The following TMC2 variants were observed in gnomAD, a reference collection of about 807,000 sequenced individuals.
The protein encoded by TMC2 is transmembrane channel-like protein 2.
TMC2 carries 102 observed loss-of-function variants against 105.9 expected under a neutral mutation model. The observed-to-expected ratio is 0.96, with a 90% CI of 0.82 to 1.14. TMC2 has a LOEUF of 1.14. Among genes scored for constraint, TMC2 ranks in the 50% most tolerant of loss-of-function variants. The pLI is 0.00. For missense variants in TMC2, 1,093 were observed against 1,134.3 expected (o/e 0.96, Z 0.52); for synonymous variants, 402 against 422.8 (o/e 0.95, Z 0.60).
Position 2,616,337 on chromosome 20 carries a change from T to C in TMC2, c.1940+133T>C. On this transcript the variant is annotated intron_variant, in intron 15 of 19. Coordinates refer to ENST00000358864, the MANE Select transcript of TMC2 (RefSeq NM_080751.3). This position sits in a 1 kb window ranked among gnomAD's most constrained non-coding sequence, Gnocchi z 4.8. Reference sequence around the variant, plus strand: ...CCTCTCTGAACTCCCCTCTTTCACATGAAAAATCAAGAGCGGGACTAGATG... The same window carrying C: ...CCTCTCTGAACTCCCCTCTTTCACACGAAAAATCAAGAGCGGGACTAGATG... The C allele has an allele frequency of 1.4e-6, 1 of 728,790 alleles. No homozygotes were observed. The allele number at this position is 728,790 out of a possible 1,614,324, so 45.1% of individuals were successfully genotyped here. A position where few individuals can be genotyped will look rare whatever the true frequency, so the allele number is the denominator to read the frequency against.
In TMC2 at chr20:2,545,053, T is replaced by A. The variant is rs66890589; in HGVS notation, c.82+7737T>A. ...CTCTACCAAAAAAAAAAAAAAAAAA[T>A]TTAATTAGACATGCATGGTGGCACA... On this transcript the variant is annotated intron_variant, in intron 2 of 19. Coordinates refer to ENST00000358864, the MANE Select transcript of TMC2 (RefSeq NM_080751.3). Among the ~76,000 whole-genome samples, 181 of 57,382 alleles carry A rather than the reference T, an allele frequency of 3.2e-3. 6 individuals are homozygous for A. The highest frequency in any genetic ancestry group is 7.6e-3 in the Middle Eastern group (1 of 132). The allele number at this position is 57,382 out of a possible 152,430, so 37.6% of individuals were successfully genotyped here.
chr20:2,567,076 C>T (rs6114957), intron 4 of TMC2, among the ~76,000 whole-genome samples: 19,268 of 152,158 alleles, frequency 0.13, 1,502 homozygotes, highest in African/African-American at 0.21. Context: ...CCAGGGTGTG[C>T]CAGAGGAGGC....
At chr20:2,541,749 T>G (rs538068514) in intron 2 of TMC2, among the ~76,000 whole-genome samples, 1 of 152,348 alleles carries the variant, frequency 6.6e-6, no homozygotes, top group East Asian at 1.9e-4. Context: ...GCTTTACAAT[T>G]TATATTGCGA....
chr20:2,569,907 G>A (rs2086091043), intron 4 of TMC2, among the ~76,000 whole-genome samples: 1 of 152,116 alleles, frequency 6.6e-6, no homozygotes, highest in South Asian at 2.1e-4. Context: ...GAATATTCCT[G>A]CTCCACGTTT....
At chr20:2,611,556 C>T (rs965630552) in intron 12 of TMC2, among the ~76,000 whole-genome samples, 6 of 152,280 alleles carry the variant, frequency 3.9e-5, no homozygotes, top group Middle Eastern at 6.8e-3. Context: ...CACTGCCTCC[C>T]GGAAGTCTTC....
chr20:2,618,932 T>C (rs576364339), intron 16 of TMC2, among the ~76,000 whole-genome samples: 2 of 152,096 alleles, frequency 1.3e-5, no homozygotes, highest in Non-Finnish European at 2.9e-5. Flanking sequence ...GGATCACTCA[T>C]CCAGGGCTGG....
intron 11 of TMC2, 139 bp from the exon 12 acceptor site, chr20:2,610,280 C>A (rs1371813417): frequency 1.4e-6 from 1 of 696,460 alleles, no homozygotes; most frequent in African/African-American, 1.8e-5. Context: ...ACACAGCAAG[C>A]TGTGTAGACC....
At chr20:2,585,657 T>C (rs1660056206) in intron 7 of TMC2, among the ~76,000 whole-genome samples, 2 of 152,210 alleles carry the variant, frequency 1.3e-5, no homozygotes, top group Non-Finnish European at 2.9e-5. Context: ...ACGTGGCTTC[T>C]GGCAGGCCTC....
chr20:2,641,185 A>G lies in TMC2; in HGVS notation c.2555A>G (p.Gln852Arg). The change falls in exon 20 of 20, where the codon CAG becomes CGG. Residue 852 changes from glutamine (Q) to arginine (R), a missense_variant. Gln to Arg is a conservative substitution (Grantham distance 43). Transcript: ENST00000358864. ...AGCCAGGCCATGGACAAGAAGGCGC[A>G]GGGCCCTGGGACCTCCAATTCTGCC... ...SQSQAMDKKA[Q>R]GPGTSNSASR... 6.2e-7 allele frequency: 1 copy of G among 1,614,056 alleles called. No homozygotes were observed. Among genetic ancestry groups the G allele is most frequent in the Non-Finnish European group, 8.5e-7 (1 of 1,180,012 alleles).
rs755799848 is a variant in TMC2, at chr20:2,624,326, A to C, written c.2236A>C (p.Thr746Pro). Residue 746 changes from threonine (T) to proline (P), a missense_variant, in exon 17 of 20, where the codon ACC becomes CCC. Physicochemically the swap from Thr to Pro is conservative, Grantham distance 38 (BLOSUM62 -1). Transcript: ENST00000358864. Reference sequence around the variant, plus strand: ...AGAGACCATTGAAAACGATTTCCCAACCTTCCTGGGCAAGATCTTTGCTTT... The same window carrying C: ...AGAGACCATTGAAAACGATTTCCCACCCTTCCTGGGCAAGATCTTTGCTTT... The part of the protein sequence containing the change: ...LQETIENDFP[T>P]FLGKIFAFLA... 1.9e-6 allele frequency: 3 copies of C among 1,614,136 alleles called. No individual in the cohort carries two copies. In the South Asian group the frequency reaches 3.3e-5, roughly 18 times the overall value.
intron 1 of TMC2, 113 bp from the exon 2 acceptor site, chr20:2,537,156 T>C: frequency 1.2e-6 from 1 of 862,188 alleles, no homozygotes; most frequent in Non-Finnish European, 1.9e-6. Flanking sequence ...TGGAGCTGGG[T>C]CCCAGTTTGA....
At chr20:2,611,928 G>GGATA (rs2086443353) in intron 12 of TMC2, among the ~76,000 whole-genome samples, 1 of 150,798 alleles carries the variant, frequency 6.6e-6, no homozygotes, top group Non-Finnish European at 1.5e-5. Flanking sequence ...ATGGATGGAT[G>GGATA]AATAGACAAG....
intron 7 of TMC2, among the ~76,000 whole-genome samples, chr20:2,584,168 G>A (rs1319635245): frequency 2.0e-5 from 3 of 152,110 alleles, no homozygotes; most frequent in African/African-American, 7.2e-5. Flanking sequence ...AATGAGGCCG[G>A]GCGCGGTGGC....
intron 19 of TMC2, among the ~76,000 whole-genome samples, chr20:2,638,093 G>A (rs1475971703): frequency 6.6e-6 from 1 of 152,208 alleles, no homozygotes; most frequent in Non-Finnish European, 1.5e-5. Context: ...TGCAATCCCA[G>A]CACTTTGGGA....
intron 11 of TMC2, among the ~76,000 whole-genome samples, chr20:2,604,655 G>C (rs4813559): frequency 0.17 from 26,401 of 152,112 alleles, 2,868 homozygotes; most frequent in South Asian, 0.29. Context: ...GGCTGCCAGG[G>C]GAACCAGCCA....
At chr20:2,561,560 C>A (rs768542392) in intron 3 of TMC2, among the ~76,000 whole-genome samples, 1 of 152,200 alleles carries the variant, frequency 6.6e-6, no homozygotes, top group Non-Finnish European at 1.5e-5. Flanking sequence ...TTCAACGTGG[C>A]TACTAGAAAA....
chr20:2,537,773 A>C (rs1009690808), intron 2 of TMC2, among the ~76,000 whole-genome samples: 2 of 152,154 alleles, frequency 1.3e-5, no homozygotes, highest in Non-Finnish European at 2.9e-5. Context: ...GAGGGAGCCA[A>C]CTTGCTCCAG....
At chr20:2,538,655 AC>A (rs1329875554) in intron 2 of TMC2, among the ~76,000 whole-genome samples, 1 of 152,120 alleles carries the variant, frequency 6.6e-6, no homozygotes, top group Non-Finnish European at 1.5e-5. Flanking sequence ...GAAATGGAAG[AC>A]CATTTTGCCT....
Position 2,592,898 on chromosome 20 carries a change from C to T in TMC2, c.933+490C>T, listed in dbSNP as rs901970846. 5.9e-5 allele frequency among the ~76,000 whole-genome samples: 9 copies of T among 152,178 alleles called. No homozygotes were observed. The highest frequency in any genetic ancestry group is 1.9e-4 in the East Asian group (1 of 5,202). ...TGTCTGAAGCCTGAAAATCATCCCA[C>T]GCTTCTACCTCTTCCTCACCAACCA... is the stretch of plus-strand genomic sequence containing the variant. On this transcript the variant is annotated intron_variant, in intron 8 of 19. Coordinates refer to ENST00000358864, the MANE Select transcript of TMC2 (RefSeq NM_080751.3). The surrounding 1 kb of genome is among the most constrained non-coding windows in gnomAD (Gnocchi z 4.9).
Sources: gnomAD v4.1 joint callset for allele counts (sites outside exome capture counted in the v4.1 genomes callset) on GRCh38, gnomAD v4.1.1 for gene constraint, Gnocchi (gnomAD v3.1) non-coding constraint, MANE v1.5 for transcripts, NCBI Gene and HGNC (gene_info 2026-07-23, HGNC 2026-07-21) for gene names.